Variants in LAMTOR4 observed in about 807,000 individuals in gnomAD.
The protein encoded by LAMTOR4 is late endosomal/lysosomal adaptor, MAPK and MTOR activator 4.
In LAMTOR4, 11 loss-of-function variants were observed where a neutral mutation model predicts 13.5. That is an observed-to-expected ratio of 0.82 (90% confidence interval 0.51 to 1.35). The LOEUF is 1.35. LAMTOR4 is among the 40% of genes most tolerant of loss of function. The pLI is 0.00. For missense variants in LAMTOR4, 128 were observed against 126.2 expected (o/e 1.01, Z -0.07); for synonymous variants, 69 against 52.3 (o/e 1.32, Z -1.38).
Position 100,154,012 on chromosome 7 carries a change from CTGTG to C in LAMTOR4, c.*49_*52del. On this transcript the variant is annotated 3_prime_UTR_variant, in exon 4 of 4. Transcript: ENST00000341942. The stretch of plus-strand genomic sequence containing the variant: ...GAGAAGCGGATTGGGTCCTGGGCCT[CTGTG>C]ATGAGGCAGGCACACCTGTCGGTCT... The C allele has an allele frequency of 7.1e-7, 1 of 1,411,592 alleles. No individual in the cohort carries two copies. Among genetic ancestry groups the C allele is most frequent in the Non-Finnish European group, 9.8e-7 (1 of 1,018,606 alleles). 87.4% of individuals were successfully genotyped at this position (1,411,592 alleles called of 1,614,324 possible). A position where few individuals can be genotyped will look rare whatever the true frequency, so the allele number is the denominator to read the frequency against.
At chr7:100,153,202 T>C (rs1488528191) in intron 2 of LAMTOR4, among the ~76,000 whole-genome samples, 198 bp from the exon 3 acceptor site, 1 of 151,240 alleles carries the variant, frequency 6.6e-6, no homozygotes, top group Non-Finnish European at 1.5e-5. Context: ...AAGGCCAGTA[T>C]TATGGGAAAC....
intron 1 of LAMTOR4, 114 bp downstream of exon 1, chr7:100,149,089 C>A: frequency 7.4e-7 from 1 of 1,345,934 alleles, no homozygotes; most frequent in Non-Finnish European, 1.0e-6. Flanking sequence ...CCTATCCGCT[C>A]GGGGAGGAAG....
chr7:100,153,461 C>T lies in LAMTOR4; in HGVS notation c.146C>T (p.Thr49Ile). 1.9e-6 allele frequency: 3 copies of T among 1,610,678 alleles called. No individual in the cohort carries two copies. Among genetic ancestry groups the T allele is most frequent in the Non-Finnish European group, 2.5e-6 (3 of 1,180,006 alleles). The part of the protein sequence containing the change: ...AASAISELVS[T>I]ACGFRLHRGM... ...AGTGCCATCTCTGAGCTGGTCAGCA[C>T]AGCCTGCGGTTTCCGGCTGCACCGC... Residue 49 changes from threonine (T) to isoleucine (I), a missense_variant, in exon 3 of 4, where the codon ACA becomes ATA. Coordinates refer to ENST00000341942, the MANE Select transcript of LAMTOR4 (RefSeq NM_001008395.4).
At chr7:100,151,689 T>C (rs1798708508) in intron 2 of LAMTOR4, among the ~76,000 whole-genome samples, 1 of 151,770 alleles carries the variant, frequency 6.6e-6, no homozygotes, top group Non-Finnish European at 1.5e-5. Flanking sequence ...CACCCCGTCC[T>C]GTTTTTTTGT....
Position 100,154,087 on chromosome 7 carries a change from C to A in LAMTOR4, c.*123C>A. The A allele has an allele frequency of 1.3e-6, 1 of 741,542 alleles. No individual in the cohort carries two copies. Among genetic ancestry groups the A allele is most frequent in the South Asian group, 1.6e-5 (1 of 61,740 alleles). The allele number at this position is 741,542 out of a possible 1,614,324, so 45.9% of individuals were successfully genotyped here. A position where few individuals can be genotyped will look rare whatever the true frequency, so the allele number is the denominator to read the frequency against. On this transcript the variant is annotated 3_prime_UTR_variant, in exon 4 of 4. Transcript: ENST00000341942. Reference sequence around the variant, plus strand: ...GGCCTTCTGCTCGCCCACCTCCCACCCCTACCTGGACGGGCCCAGGCTTGG... The same window carrying A: ...GGCCTTCTGCTCGCCCACCTCCCACACCTACCTGGACGGGCCCAGGCTTGG...
In LAMTOR4 at chr7:100,151,467, CA is replaced by C. The variant is rs768264647; in HGVS notation, c.84+1890del. Among the ~76,000 whole-genome samples the C allele has an allele frequency of 7.5e-4, 114 of 151,750 alleles. 2 individuals are homozygous for C. In the South Asian group the frequency reaches 0.023, roughly 31 times the overall value. ...GCAGTGGTGCAGTCTCCCCTCACTG[CA>C]AGCTCCGCCTCCCGGGTTCACGCCA... On this transcript the variant is annotated intron_variant, in intron 2 of 3. Transcript: ENST00000341942.
chr7:100,153,750 T>C (rs1445443077), intron 3 of LAMTOR4, 117 bp from the exon 4 acceptor site: 2 of 807,988 alleles, frequency 2.5e-6, no homozygotes, highest in East Asian at 2.7e-5. Context: ...ATAGAACTTC[T>C]TTGGCTTTGA....
intron 1 of LAMTOR4, 130 bp downstream of exon 1, chr7:100,149,105 A>G: frequency 8.2e-7 from 1 of 1,222,414 alleles, no homozygotes; most frequent in Admixed American, 2.3e-5. Context: ...GGAAGAGGGG[A>G]TGGAAATGGG....
intron 2 of LAMTOR4, among the ~76,000 whole-genome samples, chr7:100,151,489 C>T (rs901932544): frequency 2.6e-5 from 4 of 150,950 alleles, no homozygotes; most frequent in African/African-American, 4.9e-5. Context: ...CCCGGGTTCA[C>T]GCCATTCTCC....
intron 1 of LAMTOR4, chr7:100,149,188 G>A (rs949592455): frequency 6.2e-6 from 4 of 650,308 alleles, no homozygotes; most frequent in Admixed American, 3.0e-5. Flanking sequence ...TCTGCAGGTC[G>A]GGCGGAGACG....
Position 100,153,457 on chromosome 7 carries a change from A to G in LAMTOR4, c.142A>G (p.Ser48Gly), listed in dbSNP as rs749503256. 8 of 1,610,878 alleles carry G rather than the reference A, an allele frequency of 5.0e-6. No individual in the cohort carries two copies. Among genetic ancestry groups the G allele is most frequent in the South Asian group, 1.1e-5 (1 of 91,088 alleles). Residue 48 changes from serine (S) to glycine (G), a missense_variant, in exon 3 of 4, where the codon AGC becomes GGC. By Grantham distance (56) the Ser-to-Gly change is moderately conservative. Coordinates refer to ENST00000341942, the MANE Select transcript of LAMTOR4 (RefSeq NM_001008395.4). ...AGCCAGTGCCATCTCTGAGCTGGTC[A>G]GCACAGCCTGCGGTTTCCGGCTGCA... Reference protein sequence around the residue: ...QAASAISELVSTACGFRLHRG... With the variant: ...QAASAISELVGTACGFRLHRG...
At chr7:100,151,136 A>G (rs1417210597) in intron 2 of LAMTOR4, among the ~76,000 whole-genome samples, 1 of 147,192 alleles carries the variant, frequency 6.8e-6, no homozygotes, top group Admixed American at 6.7e-5. Context: ...GTGCAGTGGC[A>G]TGATCTCAGC....
chr7:100,153,755 C>A, intron 3 of LAMTOR4, 112 bp from the exon 4 acceptor site: 1 of 834,868 alleles, frequency 1.2e-6, no homozygotes, highest in Non-Finnish European at 2.0e-6. Context: ...ACTTCTTTGG[C>A]TTTGATCCCA....
At chr7:100,152,040 T>C (rs1296187380) in intron 2 of LAMTOR4, among the ~76,000 whole-genome samples, 2 of 152,128 alleles carry the variant, frequency 1.3e-5, no homozygotes, top group Non-Finnish European at 2.9e-5. Flanking sequence ...CAGTATATCT[T>C]GCTAATGACT....
At position 100,154,114 on chromosome 7, in the gene LAMTOR4, G is replaced by C. The variant is rs1403422647; in HGVS notation, c.*150G>C. ...CTACCTGGACGGGCCCAGGCTTGGG[G>C]ACTCTGAGCTGTGTTAAGGAGAACA... On this transcript the variant is annotated 3_prime_UTR_variant, in exon 4 of 4. Coordinates refer to ENST00000341942, the MANE Select transcript of LAMTOR4 (RefSeq NM_001008395.4). 2 of 649,840 alleles carry C rather than the reference G, an allele frequency of 3.1e-6. No homozygotes were observed. The highest frequency in any genetic ancestry group is 5.6e-6 in the Non-Finnish European group (2 of 359,366). 40.3% of individuals were successfully genotyped at this position (649,840 alleles called of 1,614,324 possible).
intron 1 of LAMTOR4, 42 bp downstream of exon 1, chr7:100,149,017 A>G (rs1324343079): frequency 1.2e-6 from 2 of 1,600,500 alleles, no homozygotes; most frequent in South Asian, 1.1e-5. Context: ...CCGGGGGTTC[A>G]GCGTCTCTGC....
chr7:100,154,041 T>G lies in LAMTOR4; in HGVS notation c.*77T>G, dbSNP rs1798809950. 1.2e-3 allele frequency: 1,362 copies of G among 1,140,252 alleles called. No individual in the cohort carries two copies. Among genetic ancestry groups the G allele is most frequent in the Non-Finnish European group, 1.6e-3 (1,250 of 774,460 alleles). 70.6% of individuals were successfully genotyped at this position (1,140,252 alleles called of 1,614,324 possible). A position where few individuals can be genotyped will look rare whatever the true frequency, so the allele number is the denominator to read the frequency against. On this transcript the variant is annotated 3_prime_UTR_variant, in exon 4 of 4. Coordinates refer to ENST00000341942, the MANE Select transcript of LAMTOR4 (RefSeq NM_001008395.4). Reference sequence around the variant, plus strand: ...GATGAGGCAGGCACACCTGTCGGTCTTGGCTTGCTGCTAGAACTAGGGCCT... The same window carrying G: ...GATGAGGCAGGCACACCTGTCGGTCGTGGCTTGCTGCTAGAACTAGGGCCT...
Position 100,148,953 on chromosome 7 carries a change from C to T in LAMTOR4, c.-20C>T. 16 of 1,612,294 alleles carry T rather than the reference C, an allele frequency of 9.9e-6. No individual in the cohort carries two copies. The highest frequency in any genetic ancestry group is 2.7e-5 in the African/African-American group (2 of 75,044). ...AAGCTACCTATCTGGTAGGGAGCTC[C>T]CCCAGCACCGAAGACTGCGATGGTG... On this transcript the variant is annotated 5_prime_UTR_variant, in exon 1 of 4. Coordinates refer to ENST00000341942, the MANE Select transcript of LAMTOR4 (RefSeq NM_001008395.4).
intron 2 of LAMTOR4, among the ~76,000 whole-genome samples, chr7:100,150,712 G>A (rs1341522301): frequency 6.6e-6 from 1 of 152,154 alleles, no homozygotes; most frequent in African/African-American, 2.4e-5. Flanking sequence ...TGGGCTGGGC[G>A]TGGTGGTTCA....
Sources: allele counts gnomAD v4.1 joint callset (sites outside exome capture counted in the v4.1 genomes callset), GRCh38; gene constraint gnomAD v4.1.1; transcripts MANE v1.5; gene names NCBI Gene and HGNC (gene_info 2026-07-23, HGNC 2026-07-21).